The following CIB1 variants were observed in gnomAD, a reference collection of about 807,000 sequenced individuals.
CIB1 encodes calcium and integrin binding 1, also known as calcium and integrin-binding protein 1.
Under a neutral mutation model 25.0 loss-of-function variants are expected in CIB1, and 19 were observed. The ratio of observed to expected loss-of-function variants is 0.76; its 90% CI spans 0.53 to 1.12. The LOEUF is 1.12. Among genes scored for constraint, CIB1 ranks in the 50% most tolerant of loss-of-function variants. The probability of loss-of-function intolerance (pLI) is 0.00; values close to 1 mark genes in which losing one functional copy is unlikely to be tolerated. For missense variants in CIB1, 236 were observed against 242.6 expected (o/e 0.97, Z 0.18); for synonymous variants, 104 against 98.5 (o/e 1.06, Z -0.33).
rs770474477 is a variant in CIB1, at chr15:90,233,850, C to G, written c.36G>C (p.Leu12=). 6.5e-7 allele frequency: 1 copy of G among 1,533,844 alleles called. No homozygotes were observed. Among genetic ancestry groups the G allele is most frequent in the East Asian group, 2.4e-5 (1 of 40,900 alleles). The change falls in exon 1 of 7, where the codon CTG becomes CTC. Residue 12 remains leucine (L), a synonymous_variant. Transcript: ENST00000328649. ...GGSGSRLSKE[L]LAEYQDLTFL... ...TCCCGCGCACCTGGTACTCGGCCAG[C>G]AGCTCCTTGGACAGGCGACTGCCCG...
At chr15:90,265,297 T>A in the CIB1 span, 16 of 1,211,992 alleles carry the variant, frequency 1.3e-5, no homozygotes, top group Non-Finnish European at 1.7e-5. Context: ...CAGGAGACAA[T>A]GAGCCCCTTT....
At chr15:90,258,903 G>A in the CIB1 span, 2 of 1,614,194 alleles carry the variant, frequency 1.2e-6, no homozygotes, top group Non-Finnish European at 1.7e-6. Context: ...CTTTTCCAGT[G>A]CTACCGACAG....
At chr15:90,259,970 G>T in the CIB1 span, among the ~76,000 whole-genome samples, 1 of 152,190 alleles carries the variant, frequency 6.6e-6, no homozygotes, top group East Asian at 1.9e-4. Flanking sequence ...TGCAGGGGCA[G>T]TGTGTGTTTG....
At chr15:90,241,856 G>A in the CIB1 span, 2 of 1,613,984 alleles carry the variant, frequency 1.2e-6, no homozygotes, top group South Asian at 2.2e-5. Context: ...TGTGGGCCCG[G>A]AAGTCCAGCT....
At chr15:90,253,475 T>G in the CIB1 span, 1 of 644,076 alleles carries the variant, frequency 1.6e-6, no homozygotes, top group Non-Finnish European at 2.5e-6. Flanking sequence ...GCTGTCCCCT[T>G]GTGCAGACAA....
At chr15:90,234,873 G>A (rs557135093), upstream of CIB1, among the ~76,000 whole-genome samples, 1 of 152,310 alleles carries the variant, frequency 6.6e-6, no homozygotes, top group East Asian at 1.9e-4. Flanking sequence ...ATAAATGAAT[G>A]AACGTATACT....
chr15:90,239,625 C>G, the CIB1 span, among the ~76,000 whole-genome samples: 1 of 152,194 alleles, frequency 6.6e-6, no homozygotes, highest in Non-Finnish European at 1.5e-5. Flanking sequence ...ATTTACTTTC[C>G]ACCGGGCCCC....
At chr15:90,253,720 C>A in the CIB1 span, among the ~76,000 whole-genome samples, 1 of 152,180 alleles carries the variant, frequency 6.6e-6, no homozygotes, top group African/African-American at 2.4e-5. Context: ...ATGATCCAGC[C>A]TTCTAAGCAA....
chr15:90,233,577 A>G, intron 2 of CIB1, 92 bp downstream of exon 2: 1 of 1,478,428 alleles, frequency 6.8e-7, no homozygotes, highest in Non-Finnish European at 9.2e-7. Flanking sequence ...TGCAGACCTC[A>G]GGCCAGCCCC....
chr15:90,249,994 G>T, the CIB1 span, among the ~76,000 whole-genome samples: 3 of 151,674 alleles, frequency 2.0e-5, no homozygotes, highest in Admixed American at 2.0e-4. Context: ...CTCTTGCTCT[G>T]TCGCCCAGGC....
At chr15:90,238,289 G>T (rs1007062063), upstream of CIB1, among the ~76,000 whole-genome samples, 1 of 152,138 alleles carries the variant, frequency 6.6e-6, no homozygotes, top group African/African-American at 2.4e-5. Flanking sequence ...GACAGAGTGA[G>T]ATTCTGTCTT....
At chr15:90,241,231 C>T in the CIB1 span, 97 of 1,614,012 alleles carry the variant, frequency 6.0e-5, no homozygotes, top group Middle Eastern at 1.6e-4. Flanking sequence ...CAGAGGAGGC[C>T]CCCGCAGACC....
the CIB1 span, chr15:90,256,138 T>C: frequency 1.2e-6 from 2 of 1,613,966 alleles, no homozygotes; most frequent in Non-Finnish European, 1.7e-6. Flanking sequence ...TCTCTGCACA[T>C]AGCTATGGGG....
chr15:90,248,988 G>A, the CIB1 span, among the ~76,000 whole-genome samples: 3 of 152,058 alleles, frequency 2.0e-5, no homozygotes, highest in Non-Finnish European at 2.9e-5. Flanking sequence ...GCCTTGAAAG[G>A]CACGTGGCCT....
At position 90,231,214 on chromosome 15, in the gene CIB1, CTAGA is replaced by C. The variant is rs1010477466; in HGVS notation, c.347-5_347-2del. ...TTCAAGGTTCCGTCATCATCAAAGT[CTAGA>C]GAGCAGACACAGGAAGCCAAAAGAC... is the stretch of plus-strand genomic sequence containing the variant. On this transcript the variant is annotated splice_acceptor_variant and splice_polypyrimidine_tract_variant and intron_variant, in intron 4 of 6. Transcript: ENST00000328649. LOFTEE classifies it high-confidence loss of function. 1 of 1,571,570 alleles carries C rather than the reference CTAGA, an allele frequency of 6.4e-7. No homozygotes were observed. Among genetic ancestry groups the C allele is most frequent in the Non-Finnish European group, 8.6e-7 (1 of 1,162,414 alleles).
chr15:90,251,590 G>A, the CIB1 span: 1 of 1,613,952 alleles, frequency 6.2e-7, no homozygotes, highest in Non-Finnish European at 8.5e-7. Context: ...GCAAGTATGA[G>A]AGTGGTAAGC....
At position 90,232,326 on chromosome 15, in the gene CIB1, C is replaced by G; in HGVS notation, c.88G>C (p.Ala30Pro). ...AGCAGCTCACAAAACCGCCTGTGGG[C>G]TCTGGTAGAGAGAGGGGAACTGTCG... ...TFLTKQEILLAHRRFCELLPQ... is the reference protein window; with the variant it reads ...TFLTKQEILLPHRRFCELLPQ... The change falls in exon 3 of 7, where the codon GCC becomes CCC. Residue 30 changes from alanine (A) to proline (P), a missense_variant and splice_region_variant. By Grantham distance (27) the Ala-to-Pro change is conservative (BLOSUM62 -1). Coordinates refer to ENST00000328649, the MANE Select transcript of CIB1 (RefSeq NM_006384.4). 1.9e-6 allele frequency: 3 copies of G among 1,605,438 alleles called. No homozygotes were observed. Among genetic ancestry groups the G allele is most frequent in the Non-Finnish European group, 2.6e-6 (3 of 1,173,986 alleles).
At chr15:90,264,203 T>C in the CIB1 span, 2 of 620,786 alleles carry the variant, frequency 3.2e-6, no homozygotes, top group Middle Eastern at 4.1e-4. Context: ...TTTACTCCTT[T>C]TTTTTTGAGA....
chr15:90,265,632 C>T, the CIB1 span: 2 of 1,554,256 alleles, frequency 1.3e-6, no homozygotes. Flanking sequence ...AGCCTCCGGC[C>T]CGCCCCTTCC....
Sources: gnomAD v4.1 joint callset for allele counts (sites outside exome capture counted in the v4.1 genomes callset) on GRCh38, gnomAD v4.1.1 for gene constraint, MANE v1.5 for transcripts, NCBI Gene and HGNC (gene_info 2026-07-23, HGNC 2026-07-21) for gene names.